DGKI: variants seen among roughly 807,000 people sequenced by gnomAD.
DGKI encodes the protein diacylglycerol kinase iota, also known as DAG kinase iota.
DGKI carries 55 observed loss-of-function variants against 147.5 expected under a neutral mutation model. The ratio of observed to expected loss-of-function variants is 0.37; its 90% CI spans 0.30 to 0.47. The LOEUF (loss-of-function observed/expected upper bound fraction) is 0.47. DGKI is among the 20% of genes least tolerant of loss of function. The pLI is 1.00. For synonymous variants in DGKI, 469 were observed against 477.1 expected (o/e 0.98, Z 0.22); for missense variants, 1,007 against 1,323.8 (o/e 0.76, Z 3.71).
intron 27 of DGKI, among the ~76,000 whole-genome samples, chr7:137,461,233 G>C (rs1475927924): frequency 6.6e-6 from 1 of 152,170 alleles, no homozygotes; most frequent in East Asian, 1.9e-4. Flanking sequence ...CCGACCTCAG[G>C]TCAAACTACA....
At chr7:137,786,227 A>G (rs1350555844) in intron 1 of DGKI, among the ~76,000 whole-genome samples, 1 of 152,088 alleles carries the variant, frequency 6.6e-6, no homozygotes. Context: ...AAAACCCTAG[A>G]GTTATCCAGA....
chr7:137,681,233 C>T (rs970805561), intron 2 of DGKI, among the ~76,000 whole-genome samples: 1 of 152,204 alleles, frequency 6.6e-6, no homozygotes, highest in African/African-American at 2.4e-5. Flanking sequence ...ACTTTTTCTT[C>T]TCTACTGGTA....
chr7:137,500,082 C>A (rs1195526095), intron 21 of DGKI, among the ~76,000 whole-genome samples: 2 of 152,102 alleles, frequency 1.3e-5, no homozygotes, highest in Non-Finnish European at 2.9e-5. Flanking sequence ...ACTAAAACAA[C>A]GAGGAAGCTT....
chr7:137,655,201 C>CT (rs201766847), intron 4 of DGKI, among the ~76,000 whole-genome samples: 4,430 of 140,696 alleles, frequency 0.031, 108 homozygotes, highest in South Asian at 0.048. Context: ...CAGAGTTATT[C>CT]TTTTTTTTTT....
intron 6 of DGKI, among the ~76,000 whole-genome samples, chr7:137,628,444 C>A (rs1210274187): frequency 6.6e-6 from 1 of 152,188 alleles, no homozygotes; most frequent in African/African-American, 2.4e-5. Flanking sequence ...CACATCAGAG[C>A]CTTCATGGAC....
At chr7:137,449,197 A>C (rs994842903) in intron 27 of DGKI, among the ~76,000 whole-genome samples, 2 of 152,254 alleles carry the variant, frequency 1.3e-5, no homozygotes, top group Non-Finnish European at 2.9e-5. Context: ...CTAGAGCAAA[A>C]GAACAAAGCT....
intron 13 of DGKI, among the ~76,000 whole-genome samples, chr7:137,586,820 C>A (rs1405515586): frequency 6.6e-6 from 1 of 152,162 alleles, no homozygotes; most frequent in Non-Finnish European, 1.5e-5. Flanking sequence ...CCAAACTCAC[C>A]CACTGTCTTT....
chr7:137,444,217 T>A lies in DGKI; in HGVS notation c.2736-115A>T, dbSNP rs532767992. ...TGAATTAAATGGAAAGTCAATATAG[T>A]AGACAGTGTAATTAATGTGTTGATT... On this transcript the variant is annotated intron_variant, in intron 27 of 32. Transcript: ENST00000614521. 19 of 630,314 alleles carry A rather than the reference T, an allele frequency of 3.0e-5. No homozygotes were observed. In the East Asian group the frequency reaches 6.1e-4, roughly 20 times the overall value. The allele number at this position is 630,314 out of a possible 1,614,324, so 39.0% of individuals were successfully genotyped here.
intron 3 of DGKI, among the ~76,000 whole-genome samples, chr7:137,676,236 T>C (rs766922647): frequency 6.6e-6 from 1 of 152,200 alleles, no homozygotes; most frequent in Non-Finnish European, 1.5e-5. Flanking sequence ...GCAGCAACTA[T>C]TACCATTTTA....
At chr7:137,742,998 T>C (rs543463364) in intron 1 of DGKI, among the ~76,000 whole-genome samples, 22 of 152,220 alleles carry the variant, frequency 1.4e-4, no homozygotes, top group African/African-American at 5.1e-4. Flanking sequence ...TCACATAAAA[T>C]AGACTTTAAA....
intron 23 of DGKI, among the ~76,000 whole-genome samples, chr7:137,471,252 G>A (rs1260858554): frequency 1.3e-5 from 2 of 152,144 alleles, no homozygotes; most frequent in East Asian, 3.9e-4. Flanking sequence ...GCCCTTAATA[G>A]GGATTTGAAA....
chr7:137,441,142 C>T (rs571331363), intron 28 of DGKI, among the ~76,000 whole-genome samples: 3 of 152,140 alleles, frequency 2.0e-5, no homozygotes, highest in East Asian at 1.9e-4. Context: ...GAAAGTGGGC[C>T]GGGCACGGTG....
At chr7:137,568,384 T>C (rs1250610827) in intron 19 of DGKI, among the ~76,000 whole-genome samples, 1 of 152,238 alleles carries the variant, frequency 6.6e-6, no homozygotes, top group East Asian at 1.9e-4. Context: ...CTCCCTGTTG[T>C]GGACTGGCCA....
chr7:137,618,128 T>TAC (rs1758356631), intron 8 of DGKI, among the ~76,000 whole-genome samples: 1 of 12,682 alleles, frequency 7.9e-5, no homozygotes, highest in Non-Finnish European at 3.2e-4. Flanking sequence ...TCTAAAATAC[T>TAC]ATATATATAT....
chr7:137,568,707 TTTTTCCTTTTTATCTTC>T (rs1393739609), intron 19 of DGKI, among the ~76,000 whole-genome samples: 4 of 152,140 alleles, frequency 2.6e-5, no homozygotes, highest in Non-Finnish European at 5.9e-5. Flanking sequence ...TCTGGTACTG[TTTTTCCTTTTTATCTTC>T]TTTTCCTTTT....
intron 11 of DGKI, among the ~76,000 whole-genome samples, chr7:137,598,885 T>A (rs953426185): frequency 6.6e-6 from 1 of 152,016 alleles, no homozygotes; most frequent in East Asian, 1.9e-4. Context: ...ATATGTATTA[T>A]GGGACAGAGA....
chr7:137,668,380 C>T (rs867507212), intron 3 of DGKI, among the ~76,000 whole-genome samples: 1 of 152,218 alleles, frequency 6.6e-6, no homozygotes, highest in South Asian at 2.1e-4. Context: ...TGTTAAATCT[C>T]CCTCTAAAGA....
intron 3 of DGKI, among the ~76,000 whole-genome samples, chr7:137,668,419 G>A (rs557712031): frequency 1.3e-5 from 2 of 152,314 alleles, no homozygotes; most frequent in African/African-American, 2.4e-5. Context: ...GAATTCAGAC[G>A]TCCTGGATTA....
At position 137,588,640 on chromosome 7, in the gene DGKI, C is replaced by T. The variant is rs371773904; in HGVS notation, c.1312-1430G>A. 9.2e-5 allele frequency among the ~76,000 whole-genome samples: 14 copies of T among 152,086 alleles called. No homozygotes were observed. In the East Asian group the frequency reaches 1.7e-3, roughly 19 times the overall value. ...TACAGGCGTATGCCACCACGCCGGG[C>T]GAATTTTTTGTATTTTTAGTAGAGA... On this transcript the variant is annotated intron_variant, in intron 12 of 32. Coordinates refer to ENST00000614521, the MANE Select transcript of DGKI (RefSeq NM_001321708.2).
Sources: gnomAD v4.1 joint callset for allele counts (sites outside exome capture counted in the v4.1 genomes callset) on GRCh38, gnomAD v4.1.1 for gene constraint, MANE v1.5 for transcripts, NCBI Gene and HGNC (gene_info 2026-07-23, HGNC 2026-07-21) for gene names.